Variants in F2R observed in about 807,000 individuals in gnomAD.
F2R encodes proteinase-activated receptor 1.
F2R carries 12 observed loss-of-function variants against 18.3 expected under a neutral mutation model. The observed-to-expected ratio is 0.66, with a 90% CI of 0.42 to 1.06. The LOEUF (loss-of-function observed/expected upper bound fraction) is 1.06, where lower values mean the gene tolerates loss of function less well. F2R is among the 50% of genes least tolerant of loss of function. The pLI, the probability that F2R is intolerant of heterozygous loss-of-function variation, is 0.00. For synonymous variants in F2R, 210 were observed against 219.9 expected (o/e 0.95, Z 0.40); for missense variants, 438 against 530.8 (o/e 0.83, Z 1.72).
chr5:76,716,317 C>A lies in F2R; in HGVS notation c.10C>A (p.Arg4=). 7.1e-7 allele frequency: 1 copy of A among 1,411,954 alleles called. No individual in the cohort carries two copies. Among genetic ancestry groups the A allele is most frequent in the Non-Finnish European group, 9.2e-7 (1 of 1,085,504 alleles). 87.5% of individuals were successfully genotyped at this position (1,411,954 alleles called of 1,614,324 possible). A position where few individuals can be genotyped will look rare whatever the true frequency, so the allele number is the denominator to read the frequency against. MGP[R]RLLLVAACFS... is the part of the protein sequence containing the mutation. ...CGCAGAGCCCGGGACAATGGGGCCG[C>A]GGCGGCTGCTGCTGGTGGCCGCCTG... Residue 4 remains arginine, a synonymous_variant, in exon 1 of 2, where the codon CGG becomes AGG. Coordinates refer to ENST00000319211, the MANE Select transcript of F2R (RefSeq NM_001992.5).
At position 76,718,617 on chromosome 5, in the gene F2R, C is replaced by A. The variant is rs546493258; in HGVS notation, c.88+2222C>A. 7.2e-5 allele frequency among the ~76,000 whole-genome samples: 11 copies of A among 152,328 alleles called. No homozygotes were observed. In the South Asian group the frequency reaches 2.3e-3, roughly 32 times the overall value. ...ACTTTGTGTGTGTGTCTCATTCTCC[C>A]AACTAAGATTATAAAGTTTTATTTA... On this transcript the variant is annotated intron_variant, in intron 1 of 1. Transcript: ENST00000319211.
intron 1 of F2R, among the ~76,000 whole-genome samples, chr5:76,719,583 T>G (rs1289521580): frequency 7.4e-6 from 1 of 134,230 alleles, no homozygotes; most frequent in Non-Finnish European, 1.5e-5. Flanking sequence ...AGTGAGACTC[T>G]CTCTCAAAAA....
intron 1 of F2R, among the ~76,000 whole-genome samples, chr5:76,717,507 T>C (rs763417182): frequency 4.2e-4 from 64 of 152,112 alleles, no homozygotes; most frequent in Non-Finnish European, 1.2e-4. Flanking sequence ...GACAAAGACA[T>C]AGCATGTTCT....
chr5:76,733,251 C>T lies in F2R; in HGVS notation c.1026C>T (p.His342=). 1.9e-6 allele frequency: 3 copies of T among 1,614,194 alleles called. 1 individual carries two copies. In the Middle Eastern group the frequency reaches 4.9e-4, roughly 266 times the overall value. ...LLIAHYSFLS[H]TSTTEAAYFA... ...TTGCGCATTACTCATTCCTTTCTCA[C>T]ACTTCCACCACAGAGGCTGCCTACT... Residue 342 remains histidine, a synonymous_variant, in exon 2 of 2, where the codon CAC becomes CAT. Transcript: ENST00000319211.
At chr5:76,716,486 C>A in intron 1 of F2R, 91 bp downstream of exon 1, 1 of 1,122,350 alleles carries the variant, frequency 8.9e-7, no homozygotes, top group Middle Eastern at 2.0e-4. Flanking sequence ...TCACCCCTGC[C>A]TCAGTTTCCT....
At position 76,735,691 on chromosome 5, in the gene F2R, T is replaced by G. The variant is rs1284457657; in HGVS notation, c.*2188T>G. On this transcript the variant is annotated 3_prime_UTR_variant, in exon 2 of 2. Transcript: ENST00000319211. ...TAAAATATGATATCATTAATGTACT[T>G]ACAAAATAGTATGTCACTGTTTTTA... The G allele has an allele frequency of 6.6e-6, 1 of 152,228 alleles. No individual in the cohort carries two copies. Among genetic ancestry groups the G allele is most frequent in the Non-Finnish European group, 1.5e-5 (1 of 68,038 alleles). 9.4% of individuals were successfully genotyped at this position (152,228 alleles called of 1,614,324 possible). A position where few individuals can be genotyped will look rare whatever the true frequency, so the allele number is the denominator to read the frequency against.
Position 76,734,593 on chromosome 5 carries a change from G to A in F2R, c.*1090G>A, listed in dbSNP as rs988798998. 39 of 152,440 alleles carry A rather than the reference G, an allele frequency of 2.6e-4. No homozygotes were observed. Among genetic ancestry groups the A allele is most frequent in the African/African-American group, 9.1e-4 (38 of 41,574 alleles). The allele number at this position is 152,440 out of a possible 1,614,324, so 9.4% of individuals were successfully genotyped here. On this transcript the variant is annotated 3_prime_UTR_variant, in exon 2 of 2. Transcript: ENST00000319211. ...ATCTAGTAGTTGTTCTGAAATGTCAGTTCTGATATGGAAGCACCCATTATG... is the reference window on the plus strand; with the variant it reads ...ATCTAGTAGTTGTTCTGAAATGTCAATTCTGATATGGAAGCACCCATTATG...
chr5:76,726,613 A>T (rs1196468390), intron 1 of F2R, among the ~76,000 whole-genome samples: 1 of 151,822 alleles, frequency 6.6e-6, no homozygotes, highest in Non-Finnish European at 1.5e-5. Flanking sequence ...AGGCAGGAGG[A>T]TTGCTTGAAC....
Position 76,732,761 on chromosome 5 carries a change from C to T in F2R, c.536C>T (p.Thr179Ile). 1 of 1,614,202 alleles carries T rather than the reference C, an allele frequency of 6.2e-7. No individual in the cohort carries two copies. The highest frequency in any genetic ancestry group is 8.5e-7 in the Non-Finnish European group (1 of 1,180,040). Residue 179 changes from threonine (T) to isoleucine (I), a missense_variant, in exon 2 of 2, where the codon ACT (threonine) becomes ATT (isoleucine). Physicochemically the swap from Thr to Ile is moderately conservative, Grantham distance 89 (BLOSUM62 -1). Transcript: ENST00000319211. ...QFGSELCRFVTAAFYCNMYAS... is the reference protein window; with the variant it reads ...QFGSELCRFVIAAFYCNMYAS... ...GGGTCTGAATTGTGTCGCTTCGTCA[C>T]TGCAGCATTTTACTGTAACATGTAC...
chr5:76,729,854 G>A (rs763068491), intron 1 of F2R, among the ~76,000 whole-genome samples: 9 of 152,116 alleles, frequency 5.9e-5, no homozygotes, highest in East Asian at 1.9e-4. Flanking sequence ...TCATGGAGAC[G>A]GGTCTTTCCT....
intron 1 of F2R, among the ~76,000 whole-genome samples, chr5:76,719,671 A>G (rs1373949165): frequency 6.6e-6 from 1 of 152,106 alleles, no homozygotes; most frequent in Non-Finnish European, 1.5e-5. Context: ...CCCCTATAGA[A>G]AGGAAGCCAT....
At position 76,733,342 on chromosome 5, in the gene F2R, T is replaced by G; in HGVS notation, c.1117T>G (p.Tyr373Asp). 1.2e-6 allele frequency: 2 copies of G among 1,614,184 alleles called. No homozygotes were observed. Among genetic ancestry groups the G allele is most frequent in the Non-Finnish European group, 1.7e-6 (2 of 1,180,036 alleles). ...SCCIDPLIYY[Y>D]ASSECQRYVY... ...CTGCATCGACCCCCTAATTTACTAT[T>G]ACGCTTCCTCTGAGTGCCAGAGGTA... Residue 373 changes from tyrosine (Y) to aspartate (D), a missense_variant, in exon 2 of 2, where the codon TAC becomes GAC. Tyr to Asp is a radical substitution (Grantham distance 160). Transcript: ENST00000319211.
chr5:76,721,365 T>C (rs1331282254), intron 1 of F2R, among the ~76,000 whole-genome samples: 1 of 152,206 alleles, frequency 6.6e-6, no homozygotes, highest in Non-Finnish European at 1.5e-5. Flanking sequence ...TACTGAGAAT[T>C]TTTTTCTGGG....
chr5:76,724,703 T>A (rs1046401639), intron 1 of F2R, among the ~76,000 whole-genome samples: 2 of 152,246 alleles, frequency 1.3e-5, no homozygotes, highest in Non-Finnish European at 2.9e-5. Flanking sequence ...ATGGTCAAAT[T>A]GGTGATCAAC....
chr5:76,733,071 G>A lies in F2R; in HGVS notation c.846G>A (p.Pro282=), dbSNP rs1218575459. 4 of 1,613,862 alleles carry A rather than the reference G, an allele frequency of 2.5e-6. No individual in the cohort carries two copies. Among genetic ancestry groups the A allele is most frequent in the Admixed American group, 1.7e-5 (1 of 59,976 alleles). The change falls in exon 2 of 2, where the codon CCG becomes CCA. Residue 282 remains proline, a synonymous_variant. Coordinates refer to ENST00000319211, the MANE Select transcript of F2R (RefSeq NM_001992.5). The part of the protein sequence containing the change: ...SAFSAVFFFV[P]LIISTVCYVS... ...TCTCTGCTGTCTTCTTTTTTGTGCC[G>A]CTGATCATTTCCACGGTCTGTTATG...
intron 1 of F2R, among the ~76,000 whole-genome samples, chr5:76,721,363 AT>A (rs1209470383): frequency 6.6e-6 from 1 of 151,974 alleles, no homozygotes; most frequent in Non-Finnish European, 1.5e-5. Flanking sequence ...TATACTGAGA[AT>A]TTTTTTCTGG....
intron 1 of F2R, among the ~76,000 whole-genome samples, chr5:76,721,061 C>T (rs1214375503): frequency 1.3e-5 from 2 of 152,222 alleles, no homozygotes; most frequent in African/African-American, 4.8e-5. Flanking sequence ...CCTACCTTGG[C>T]CTCCCAAAGT....
rs1341654361 is a variant in F2R, at chr5:76,733,408, A to C, written c.1183A>C (p.Ser395Arg). ...ATGCTGCAAAGAAAGTTCCGATCCCAGCAGTTATAACAGCAGTGGGCAGTT... is the reference window on the plus strand; with the variant it reads ...ATGCTGCAAAGAAAGTTCCGATCCCCGCAGTTATAACAGCAGTGGGCAGTT... ...ILCCKESSDPSSYNSSGQLMA... is the reference protein window; with the variant it reads ...ILCCKESSDPRSYNSSGQLMA... Residue 395 changes from serine to arginine, a missense_variant, in exon 2 of 2, where the codon AGC becomes CGC. By Grantham distance (110) the Ser-to-Arg change is moderately radical. Transcript: ENST00000319211. 6 of 1,614,212 alleles carry C rather than the reference A, an allele frequency of 3.7e-6. No homozygotes were observed. Among genetic ancestry groups the C allele is most frequent in the Non-Finnish European group, 4.2e-6 (5 of 1,180,036 alleles).
chr5:76,735,583 C>T lies in F2R; in HGVS notation c.*2080C>T, dbSNP rs1445449549. The T allele has an allele frequency of 1.3e-5, 2 of 152,102 alleles. No homozygotes were observed. The highest frequency in any genetic ancestry group is 2.9e-5 in the Non-Finnish European group (2 of 68,022). The allele number at this position is 152,102 out of a possible 1,614,324, so 9.4% of individuals were successfully genotyped here. A position where few individuals can be genotyped will look rare whatever the true frequency, so the allele number is the denominator to read the frequency against. On this transcript the variant is annotated 3_prime_UTR_variant, in exon 2 of 2. Transcript: ENST00000319211. ...TAACTGTATTGTAAGTAGAAGCTAGCACTGGTTTTATTAATTTAGTGACTA... is the reference window on the plus strand; with the variant it reads ...TAACTGTATTGTAAGTAGAAGCTAGTACTGGTTTTATTAATTTAGTGACTA...
Sources: gnomAD v4.1 joint callset for allele counts (sites outside exome capture counted in the v4.1 genomes callset) on GRCh38, gnomAD v4.1.1 for gene constraint, MANE v1.5 for transcripts, NCBI Gene and HGNC (gene_info 2026-07-23, HGNC 2026-07-21) for gene names.